The following HACE1 variants were observed in gnomAD, a reference collection of about 807,000 sequenced individuals.
HACE1 encodes E3 ubiquitin-protein ligase HACE1.
A neutral mutation model predicts 118.4 loss-of-function variants in HACE1; 73 were observed. That is an observed-to-expected ratio of 0.62 (90% confidence interval 0.51 to 0.75). The LOEUF (loss-of-function observed/expected upper bound fraction) is 0.75, where lower values mean the gene tolerates loss of function less well. HACE1 is among the 30% of genes least tolerant of loss of function. HACE1 has a pLI of 0.00. For missense variants in HACE1, 749 were observed against 1,102.2 expected (o/e 0.68, Z 4.54); for synonymous variants, 368 against 374.8 (o/e 0.98, Z 0.21).
At chr6:104,842,083 T>C (rs777352459) in intron 5 of HACE1, among the ~76,000 whole-genome samples, 2 of 152,184 alleles carry the variant, frequency 1.3e-5, no homozygotes, top group East Asian at 1.9e-4. Flanking sequence ...AGTGAAAGGA[T>C]TGCTTGAGGC....
intron 19 of HACE1, among the ~76,000 whole-genome samples, chr6:104,761,271 A>G (rs1779325056): frequency 6.6e-6 from 1 of 152,198 alleles, no homozygotes; most frequent in South Asian, 2.1e-4. Context: ...ACAAAGCTGG[A>G]GGCATCATGC....
At chr6:104,750,603 A>C (rs1236455377) in intron 19 of HACE1, 131 bp from the exon 20 acceptor site, 9 of 846,284 alleles carry the variant, frequency 1.1e-5, no homozygotes, top group African/African-American at 3.4e-5. Context: ...CATCTCAGCA[A>C]ATCAGCAAGC....
chr6:104,842,995 C>T (rs2115165821), intron 5 of HACE1, among the ~76,000 whole-genome samples: 1 of 152,204 alleles, frequency 6.6e-6, no homozygotes, highest in East Asian at 1.9e-4. Flanking sequence ...ACCTGTAATC[C>T]CAGATACTTG....
intron 19 of HACE1, among the ~76,000 whole-genome samples, chr6:104,763,485 G>A (rs6907016): frequency 0.57 from 86,187 of 151,914 alleles, 26,115 homozygotes; most frequent in African/African-American, 0.8. Flanking sequence ...TCAGCCACCC[G>A]TGTAGACACA....
At chr6:104,832,058 A>G (rs1208115958) in intron 6 of HACE1, among the ~76,000 whole-genome samples, 1 of 152,020 alleles carries the variant, frequency 6.6e-6, no homozygotes, top group Non-Finnish European at 1.5e-5. Context: ...GAAAGAAAAG[A>G]AAGAACTGTT....
intron 10 of HACE1, among the ~76,000 whole-genome samples, 169 bp from the exon 11 acceptor site, chr6:104,791,823 C>G (rs1016413376): frequency 1.4e-4 from 21 of 152,110 alleles, no homozygotes; most frequent in African/African-American, 5.1e-4. Context: ...CAGGAAGTTA[C>G]ATTATTTAAC....
intron 6 of HACE1, among the ~76,000 whole-genome samples, chr6:104,817,800 AAAC>A (rs1441319366): frequency 3.9e-5 from 6 of 152,228 alleles, no homozygotes; most frequent in African/African-American, 1.2e-4. Context: ...ACTGAGCAGT[AAAC>A]AATACCTTCT....
At position 104,784,257 on chromosome 6, in the gene HACE1, AACAGAAGAAAAAC is replaced by A. The variant is rs1782095036; in HGVS notation, c.1479-97_1479-85del. ...GCAAATTCAGATACACTGACACTGA[AACAGAAGAAAAAC>A]ACATAATAATCCATATCTATTAAAG... On this transcript the variant is annotated intron_variant, in intron 13 of 23. Transcript: ENST00000262903. The A allele has an allele frequency of 3.4e-6, 3 of 894,950 alleles. No homozygotes were observed. The East Asian group carries it at 7.3e-5, about 22-fold the overall frequency. The allele number at this position is 894,950 out of a possible 1,614,324, so 55.4% of individuals were successfully genotyped here.
intron 14 of HACE1, among the ~76,000 whole-genome samples, chr6:104,778,553 G>T (rs960545890): frequency 5.3e-5 from 8 of 152,058 alleles, no homozygotes; most frequent in Non-Finnish European, 1.0e-4. Context: ...CCAGCACTTT[G>T]GGAGGCCAAG....
chr6:104,744,236 A>C lies in HACE1; in HGVS notation c.2443-6T>G. ...TCTACAACTTCCCAGAACCACTAAC[A>C]ACAAGAACAAAAAACTTAGCTCATA... is the stretch of plus-strand genomic sequence containing the variant. On this transcript the variant is annotated splice_polypyrimidine_tract_variant and splice_region_variant and intron_variant, in intron 21 of 23. Coordinates refer to ENST00000262903, the MANE Select transcript of HACE1 (RefSeq NM_020771.4). The C allele has an allele frequency of 6.6e-7, 1 of 1,511,662 alleles. No homozygotes were observed. The highest frequency in any genetic ancestry group is 2.2e-5 in the East Asian group (1 of 44,530). The allele number at this position is 1,511,662 out of a possible 1,614,324, so 93.6% of individuals were successfully genotyped here. A position where few individuals can be genotyped will look rare whatever the true frequency, so the allele number is the denominator to read the frequency against.
At chr6:104,824,495 T>A (rs145019572) in intron 6 of HACE1, among the ~76,000 whole-genome samples, 1 of 152,302 alleles carries the variant, frequency 6.6e-6, no homozygotes. Flanking sequence ...CTTAGATAGA[T>A]GAAAATGTAC....
At chr6:104,830,661 A>C (rs527303443) in intron 6 of HACE1, among the ~76,000 whole-genome samples, 1 of 152,330 alleles carries the variant, frequency 6.6e-6, no homozygotes, top group Admixed American at 6.5e-5. Flanking sequence ...TTTGTAACCA[A>C]AAAAATAAAC....
intron 22 of HACE1, among the ~76,000 whole-genome samples, chr6:104,740,124 A>G (rs1317794475): frequency 6.7e-6 from 1 of 149,158 alleles, no homozygotes; most frequent in Non-Finnish European, 1.5e-5. Context: ...ACCAATGAGA[A>G]CAACGACACA....
At chr6:104,771,067 G>A (rs1249324011) in intron 19 of HACE1, 126 bp downstream of exon 19, 6 of 682,510 alleles carry the variant, frequency 8.8e-6, no homozygotes, top group Admixed American at 7.6e-5. Flanking sequence ...TAACTTAAAC[G>A]TTTTATCTGC....
intron 22 of HACE1, 78 bp downstream of exon 22, chr6:104,744,082 C>T (rs1777132608): frequency 1.2e-6 from 1 of 860,726 alleles, no homozygotes; most frequent in Non-Finnish European, 2.0e-6. Flanking sequence ...GTAATAATTC[C>T]TTATTTTAGT....
intron 7 of HACE1, among the ~76,000 whole-genome samples, chr6:104,803,563 T>C (rs762767807): frequency 3.3e-5 from 5 of 152,040 alleles, no homozygotes; most frequent in Non-Finnish European, 5.9e-5. Flanking sequence ...GCTCAACATA[T>C]GCAAATCAAT....
intron 20 of HACE1, 131 bp from the exon 21 acceptor site, chr6:104,744,741 A>T (rs988101693): frequency 1.5e-6 from 1 of 656,314 alleles, no homozygotes; most frequent in Non-Finnish European, 2.8e-6. Context: ...CAGTTCCTGC[A>T]TGTCATCAAC....
intron 10 of HACE1, 74 bp downstream of exon 10, chr6:104,795,505 A>T: frequency 1.1e-6 from 1 of 891,786 alleles, no homozygotes; most frequent in South Asian, 1.3e-5. Flanking sequence ...GGTATCCCAC[A>T]GAATAAACTA....
At chr6:104,843,543 A>T (rs532012451) in intron 4 of HACE1, among the ~76,000 whole-genome samples, 2 of 152,346 alleles carry the variant, frequency 1.3e-5, no homozygotes, top group East Asian at 3.9e-4. Context: ...TATCATTGGG[A>T]CAAATCACAT....
Sources: allele counts gnomAD v4.1 joint callset (sites outside exome capture counted in the v4.1 genomes callset), GRCh38; gene constraint gnomAD v4.1.1; transcripts MANE v1.5; gene names NCBI Gene and HGNC (gene_info 2026-07-23, HGNC 2026-07-21).